Variants in SESN1 observed in about 807,000 individuals in gnomAD.
SESN1 encodes the protein sestrin 1.
Under a neutral mutation model 59.3 loss-of-function variants are expected in SESN1, and 30 were observed. That is an observed-to-expected ratio of 0.51 (90% CI 0.38 to 0.69). The LOEUF (loss-of-function observed/expected upper bound fraction) is 0.69, where lower values mean the gene tolerates loss of function less well. SESN1 is among the 30% of genes least tolerant of loss of function. The pLI is 0.00. For synonymous variants in SESN1, 197 were observed against 219.9 expected (o/e 0.90, Z 0.92); for missense variants, 566 against 673.0 (o/e 0.84, Z 1.76).
intron 1 of SESN1, among the ~76,000 whole-genome samples, chr6:109,068,133 A>G (rs1332040082): frequency 6.6e-6 from 1 of 152,184 alleles, no homozygotes; most frequent in Non-Finnish European, 1.5e-5. Flanking sequence ...AGATGTCACT[A>G]GTTCAAAATG....
chr6:108,997,745 T>C (rs568251992), intron 5 of SESN1, among the ~76,000 whole-genome samples: 10 of 152,338 alleles, frequency 6.6e-5, no homozygotes, highest in African/African-American at 2.2e-4. Context: ...AGAAAATGCA[T>C]GTAAAGCATT....
In SESN1 at chr6:108,994,062, CCT is replaced by C. The variant is rs1237064117; in HGVS notation, c.1120+398_1120+399del. On this transcript the variant is annotated intron_variant, in intron 6 of 9. Coordinates refer to ENST00000436639, the MANE Select transcript of SESN1 (RefSeq NM_014454.3). Reference sequence around the variant, plus strand: ...AGCTGAGGCAGGATGATCGCTTGAGCCTAAGAGTCTCAGGTTACAGTGAGCTA... The same window carrying C: ...AGCTGAGGCAGGATGATCGCTTGAGCAAGAGTCTCAGGTTACAGTGAGCTA... Among the ~76,000 whole-genome samples the C allele has an allele frequency of 1.1e-4, 17 of 150,650 alleles. 1 individual carries two copies. The highest frequency in any genetic ancestry group is 1.3e-4 in the Admixed American group (2 of 15,032).
intron 1 of SESN1, among the ~76,000 whole-genome samples, chr6:109,082,109 GACTA>G (rs769435288): frequency 3.3e-5 from 5 of 152,266 alleles, no homozygotes; most frequent in African/African-American, 4.8e-5. Flanking sequence ...TGAAATAAGA[GACTA>G]ACTCAGTGTA....
intron 1 of SESN1, among the ~76,000 whole-genome samples, chr6:109,003,662 T>G (rs1779672313): frequency 6.6e-6 from 1 of 152,220 alleles, no homozygotes; most frequent in South Asian, 2.1e-4. Flanking sequence ...ATTATACCCT[T>G]CATTAGAGGA....
chr6:109,029,255 CTGA>C (rs1780144474), intron 1 of SESN1, among the ~76,000 whole-genome samples: 2 of 152,142 alleles, frequency 1.3e-5, no homozygotes, highest in Admixed American at 1.3e-4. Flanking sequence ...TTCCTAGCCA[CTGA>C]TGACTAAGGA....
chr6:109,087,957 G>C (rs545603251), intron 1 of SESN1: 1 of 152,228 alleles, frequency 6.6e-6, no homozygotes, highest in South Asian at 2.1e-4. Context: ...AGTGATGGGG[G>C]GGCAGGGGGC....
intron 1 of SESN1, among the ~76,000 whole-genome samples, chr6:109,054,313 AAAC>A (rs1256134770): frequency 6.6e-6 from 1 of 152,184 alleles, no homozygotes; most frequent in African/African-American, 2.4e-5. Flanking sequence ...AGGAAGGAAA[AAAC>A]AAGTTCATTA....
At chr6:109,042,130 G>C (rs924047620) in intron 1 of SESN1, among the ~76,000 whole-genome samples, 1 of 151,852 alleles carries the variant, frequency 6.6e-6, no homozygotes, top group African/African-American at 2.4e-5. Flanking sequence ...GAGGTATCGG[G>C]GAGATTTAAA....
intron 1 of SESN1, among the ~76,000 whole-genome samples, chr6:109,063,364 G>A (rs945531136): frequency 6.6e-6 from 1 of 152,200 alleles, no homozygotes; most frequent in African/African-American, 2.4e-5. Flanking sequence ...GGGAAGGCCA[G>A]TAGGCTGCAT....
At chr6:109,041,279 G>A (rs1780338514) in intron 1 of SESN1, among the ~76,000 whole-genome samples, 1 of 151,918 alleles carries the variant, frequency 6.6e-6, no homozygotes, top group African/African-American at 2.4e-5. Context: ...GCCAGTCTGG[G>A]TGGCAGAGTG....
intron 1 of SESN1, among the ~76,000 whole-genome samples, chr6:109,056,485 C>T (rs1375810285): frequency 6.6e-6 from 1 of 152,188 alleles, no homozygotes; most frequent in Non-Finnish European, 1.5e-5. Context: ...TACGAACAGG[C>T]AATACAGGCA....
chr6:108,988,312 G>GCCAGCACT, intron 9 of SESN1: 1 of 383,854 alleles, frequency 2.6e-6, no homozygotes, highest in Non-Finnish European at 4.6e-6. Flanking sequence ...TGACAGCCAT[G>GCCAGCACT]CCAGCACTTC....
intron 1 of SESN1, among the ~76,000 whole-genome samples, chr6:109,023,577 G>C (rs923627624): frequency 2.0e-5 from 3 of 152,114 alleles, no homozygotes; most frequent in African/African-American, 7.2e-5. Context: ...TCTGTCCCAG[G>C]TGCAAGGATT....
intron 5 of SESN1, 83 bp from the exon 6 acceptor site, chr6:108,994,692 T>TTA: frequency 1.5e-5 from 15 of 1,030,762 alleles, no homozygotes; most frequent in African/African-American, 3.3e-5. Flanking sequence ...TCATAAGAAT[T>TTA]TATATCTTTT....
intron 1 of SESN1, among the ~76,000 whole-genome samples, chr6:109,022,922 T>C (rs751835757): frequency 6.6e-6 from 1 of 152,156 alleles, no homozygotes; most frequent in Non-Finnish European, 1.5e-5. Context: ...TTTGTTAATG[T>C]TAATATTCCA....
intron 1 of SESN1, among the ~76,000 whole-genome samples, chr6:109,026,749 C>T (rs954152878): frequency 3.3e-5 from 5 of 152,080 alleles, no homozygotes; most frequent in East Asian, 1.9e-4. Flanking sequence ...ATGATCCGCC[C>T]GCCTCAGCCT....
At chr6:109,030,062 C>A (rs1000357527) in intron 1 of SESN1, among the ~76,000 whole-genome samples, 1 of 152,088 alleles carries the variant, frequency 6.6e-6, no homozygotes, top group Non-Finnish European at 1.5e-5. Flanking sequence ...AATAAAATAG[C>A]CTTTTAACTT....
Position 108,989,454 on chromosome 6 carries a change from T to C in SESN1, c.1425-767A>G, listed in dbSNP as rs180775051. Reference sequence around the variant, plus strand: ...ATATCTAGATCTAGATACATCTCTATATCTAGAGATATAGAAATATCTGTA... The same window carrying C: ...ATATCTAGATCTAGATACATCTCTACATCTAGAGATATAGAAATATCTGTA... On this transcript the variant is annotated intron_variant, in intron 8 of 9. Coordinates refer to ENST00000436639, the MANE Select transcript of SESN1 (RefSeq NM_014454.3). Among the ~76,000 whole-genome samples the C allele has an allele frequency of 2.7e-4, 41 of 151,114 alleles. No individual in the cohort carries two copies. In the East Asian group the frequency reaches 7.8e-3, roughly 29 times the overall value.
intron 1 of SESN1, among the ~76,000 whole-genome samples, chr6:109,082,352 GTGC>G (rs1272693843): frequency 6.6e-6 from 1 of 152,158 alleles, no homozygotes; most frequent in Non-Finnish European, 1.5e-5. Context: ...CATTCACTGA[GTGC>G]TTACTGGGTT....
Sources: gnomAD v4.1 joint callset for allele counts (sites outside exome capture counted in the v4.1 genomes callset) on GRCh38, gnomAD v4.1.1 for gene constraint, MANE v1.5 for transcripts, NCBI Gene and HGNC (gene_info 2026-07-23, HGNC 2026-07-21) for gene names.